FBXW2: variants seen among roughly 807,000 people sequenced by gnomAD.
The protein encoded by FBXW2 is F-box and WD repeat domain containing 2, also known as F-box/WD repeat-containing protein 2.
Under a neutral mutation model 46.0 loss-of-function variants are expected in FBXW2, and 12 were observed. That is an observed-to-expected ratio of 0.26 (90% CI 0.17 to 0.42). FBXW2 has a LOEUF of 0.42. FBXW2 is among the 10% of genes least tolerant of loss of function. The probability of loss-of-function intolerance (pLI) is 1.00; values close to 1 mark genes in which losing one functional copy is unlikely to be tolerated. For missense variants in FBXW2, 360 were observed against 537.0 expected, an observed-to-expected ratio of 0.67 and a Z score of 3.26; for synonymous variants, 203 against 209.6, an observed-to-expected ratio of 0.97 and a Z score of 0.27.
Position 120,787,905 on chromosome 9 carries a change from G to C in FBXW2, c.354C>G (p.His118Gln). 1.2e-6 allele frequency: 2 copies of C among 1,614,210 alleles called. No homozygotes were observed. The highest frequency in any genetic ancestry group is 1.7e-6 in the Non-Finnish European group (2 of 1,180,040). ...TAGCCTTCAAATAAACCTTCTTCCA[G>C]TGCAAAGCGTCCTGAACAGAATCAT... ...QIDDSVQDAL[H>Q]WKKVYLKAIL... Residue 118 changes from histidine (H) to glutamine (Q), a missense_variant, in exon 3 of 8, where the codon CAC becomes CAG. His to Gln is a conservative substitution (Grantham distance 24). Transcript: ENST00000608872.
At position 120,791,562 on chromosome 9, in the gene FBXW2, G is replaced by T. The variant is rs536086655; in HGVS notation, c.-21+1587C>A. On this transcript the variant is annotated intron_variant, in intron 2 of 7. Transcript: ENST00000608872. ...CAGTCTAGCGGGTAAAAACTCAAAT[G>T]GTACTTTTTGTTAGTTTTACTACTA... Among the ~76,000 whole-genome samples, 3 of 152,116 alleles carry T rather than the reference G, an allele frequency of 2.0e-5. No homozygotes were observed. In the South Asian group the frequency reaches 6.2e-4, roughly 32 times the overall value.
chr9:120,786,218 G>C (rs1330711572), intron 3 of FBXW2, among the ~76,000 whole-genome samples: 3 of 152,126 alleles, frequency 2.0e-5, no homozygotes, highest in Non-Finnish European at 2.9e-5. Context: ...ATCCTGAACT[G>C]TAATCCCCAG....
intron 7 of FBXW2, among the ~76,000 whole-genome samples, chr9:120,766,427 C>CCGAA (rs2044276320): frequency 6.6e-6 from 1 of 152,046 alleles, no homozygotes; most frequent in South Asian, 2.1e-4. Context: ...GTGCAAGGCA[C>CCGAA]CGAACTTCAT....
At chr9:120,771,725 T>C (rs2044379018) in intron 6 of FBXW2, among the ~76,000 whole-genome samples, 1 of 152,170 alleles carries the variant, frequency 6.6e-6, no homozygotes, top group Admixed American at 6.5e-5. Flanking sequence ...CTCCAGCTCC[T>C]GCAATGAAGA....
Position 120,761,507 on chromosome 9 carries a change from G to T in FBXW2, c.*3052C>A, listed in dbSNP as rs891608526. On this transcript the variant is annotated 3_prime_UTR_variant, in exon 8 of 8. Coordinates refer to ENST00000608872, the MANE Select transcript of FBXW2 (RefSeq NM_012164.4). ...GTGTGTGCAAGAGCTAGCTCTCAAA[G>T]GCAATGAAAGGAGAGTAAAGAATAG... The T allele has an allele frequency of 5.3e-5, 8 of 152,168 alleles. No homozygotes were observed. The highest frequency in any genetic ancestry group is 1.9e-4 in the African/African-American group (8 of 41,434). 9.4% of individuals were successfully genotyped at this position (152,168 alleles called of 1,614,324 possible).
Position 120,761,458 on chromosome 9 carries a change from T to C in FBXW2, c.*3101A>G, listed in dbSNP as rs1355415759. On this transcript the variant is annotated 3_prime_UTR_variant, in exon 8 of 8. Coordinates refer to ENST00000608872, the MANE Select transcript of FBXW2 (RefSeq NM_012164.4). ...AAGAGGGAAAGGCAATTCCCTTACC[T>C]ATGCGCTAAGGAAGCCAAAGTCAGT... 1.1e-4 allele frequency: 16 copies of C among 152,168 alleles called. No homozygotes were observed. 9.4% of individuals were successfully genotyped at this position (152,168 alleles called of 1,614,324 possible).
At chr9:120,793,109 G>T in intron 2 of FBXW2, 40 bp downstream of exon 2, 2 of 706,874 alleles carry the variant, frequency 2.8e-6, no homozygotes, top group Non-Finnish European at 4.8e-6. Context: ...GTTGCTCCCA[G>T]GTCCCTTGCT....
chr9:120,766,915 C>T (rs1456381588), intron 7 of FBXW2, among the ~76,000 whole-genome samples: 1 of 152,120 alleles, frequency 6.6e-6, no homozygotes, highest in East Asian at 1.9e-4. Context: ...GCTGGCTGGG[C>T]CCCTGAAGAG....
chr9:120,785,483 T>C (rs1359744934), intron 3 of FBXW2, among the ~76,000 whole-genome samples: 2 of 152,186 alleles, frequency 1.3e-5, no homozygotes, highest in Non-Finnish European at 2.9e-5. Flanking sequence ...AACCAAACCA[T>C]GAAATGCTTT....
chr9:120,772,727 A>G, intron 6 of FBXW2, 27 bp downstream of exon 6: 1 of 1,465,756 alleles, frequency 6.8e-7, no homozygotes, highest in Non-Finnish European at 9.2e-7. Flanking sequence ...TCTTTAATGA[A>G]GCAAATTAAT....
chr9:120,770,340 C>A (rs1327397488), intron 7 of FBXW2, among the ~76,000 whole-genome samples: 9 of 148,330 alleles, frequency 6.1e-5, no homozygotes, highest in African/African-American at 2.3e-4. Context: ...TGTGCCACTG[C>A]ACTCCAGCCT....
rs1170926643 is a variant in FBXW2, at chr9:120,761,809, A to C, written c.*2750T>G. On this transcript the variant is annotated 3_prime_UTR_variant, in exon 8 of 8. Transcript: ENST00000608872. Reference sequence around the variant, plus strand: ...CCTGTATGACAGAGCAAGACTGCCTAGGAAAAAAAAAAAATTCCAGCGGCA... The same window carrying C: ...CCTGTATGACAGAGCAAGACTGCCTCGGAAAAAAAAAAAATTCCAGCGGCA... 6.6e-6 allele frequency: 1 copy of C among 152,046 alleles called. No individual in the cohort carries two copies. The highest frequency in any genetic ancestry group is 2.4e-5 in the African/African-American group (1 of 41,388). 9.4% of individuals were successfully genotyped at this position (152,046 alleles called of 1,614,324 possible).
chr9:120,792,928 C>T (rs1209627951), intron 2 of FBXW2: 8 of 1,531,584 alleles, frequency 5.2e-6, no homozygotes, highest in Admixed American at 2.0e-5. Context: ...CAGTATAGCG[C>T]TTTGTACTTC....
rs373039919 is a variant in FBXW2 at position 120,764,513 on chromosome 9, C to T, written c.*46G>A. 46 of 1,581,310 alleles carry T rather than the reference C, an allele frequency of 2.9e-5. No individual in the cohort carries two copies. Among genetic ancestry groups the T allele is most frequent in the Admixed American group, 1.4e-4 (8 of 57,698 alleles). The stretch of plus-strand genomic sequence containing the variant: ...TGCCGCAGAGGTTGCACCCAAAACC[C>T]GCAGCCCCGGCACCCAAAGTCAGTC... On this transcript the variant is annotated 3_prime_UTR_variant, in exon 8 of 8. Transcript: ENST00000608872.
rs1034530497 is a variant in FBXW2 at position 120,763,634 on chromosome 9, A to G, written c.*925T>C. ...TTCATTTAAATATTATCCGACCTGAAAGAAACCATGAATCAGGGATCAGAC... is the reference window on the plus strand; with the variant it reads ...TTCATTTAAATATTATCCGACCTGAGAGAAACCATGAATCAGGGATCAGAC... On this transcript the variant is annotated 3_prime_UTR_variant, in exon 8 of 8. Transcript: ENST00000608872. 1 of 152,234 alleles carries G rather than the reference A, an allele frequency of 6.6e-6. No homozygotes were observed. Among genetic ancestry groups the G allele is most frequent in the Non-Finnish European group, 1.5e-5 (1 of 68,032 alleles). 9.4% of individuals were successfully genotyped at this position (152,234 alleles called of 1,614,324 possible). A position where few individuals can be genotyped will look rare whatever the true frequency, so the allele number is the denominator to read the frequency against.
At chr9:120,786,018 C>CAAAAAAA (rs3047150) in intron 3 of FBXW2, among the ~76,000 whole-genome samples, 2 of 40,568 alleles carry the variant, frequency 4.9e-5, no homozygotes, top group Non-Finnish European at 4.6e-5. Flanking sequence ...GACTCCATCT[C>CAAAAAAA]AAAAAAAAAA....
rs1480114840 is a variant in FBXW2 at position 120,764,707 on chromosome 9, T to C, written c.1217A>G (p.Tyr406Cys). 1 of 1,614,206 alleles carries C rather than the reference T, an allele frequency of 6.2e-7. No homozygotes were observed. The highest frequency in any genetic ancestry group is 8.5e-7 in the Non-Finnish European group (1 of 1,180,046). The change falls in exon 8 of 8, where the codon TAC becomes TGC. Residue 406 changes from tyrosine to cysteine, a missense_variant. Tyr to Cys is a radical substitution (Grantham distance 194). Transcript: ENST00000608872. ...SLISRWPLPEYRKSKRGSSFL... is the reference protein window; with the variant it reads ...SLISRWPLPECRKSKRGSSFL... Reference sequence around the variant, plus strand: ...GCTTGAGCCTCTCTTTGATTTCCTGTACTCTGGCAGAGGCCAGCGACTAAT... The same window carrying C: ...GCTTGAGCCTCTCTTTGATTTCCTGCACTCTGGCAGAGGCCAGCGACTAAT...
Position 120,770,105 on chromosome 9 carries a change from G to T in FBXW2, c.1076+1243C>A, listed in dbSNP as rs573570741. Among the ~76,000 whole-genome samples, 146 of 152,220 alleles carry T rather than the reference G, an allele frequency of 9.6e-4. 3 individuals carry two copies. Among genetic ancestry groups the T allele is most frequent in the African/African-American group, 3.3e-3 (136 of 41,552 alleles). ...TAAAAACAATGAAGAGGCCGGGTGC[G>T]GTGGCTCACGCATGTAATCCCAGCA... On this transcript the variant is annotated intron_variant, in intron 7 of 7. Transcript: ENST00000608872.
At chr9:120,771,295 C>G in intron 7 of FBXW2, 53 bp downstream of exon 7, 3 of 1,531,062 alleles carry the variant, frequency 2.0e-6, no homozygotes, top group Non-Finnish European at 2.7e-6. Flanking sequence ...GTCTTTACTA[C>G]TGAACTGCAG....
Sources: allele counts gnomAD v4.1 joint callset (sites outside exome capture counted in the v4.1 genomes callset), GRCh38; gene constraint gnomAD v4.1.1; transcripts MANE v1.5; gene names NCBI Gene and HGNC (gene_info 2026-07-23, HGNC 2026-07-21).